The following SEC22C variants were observed in gnomAD, a reference collection of about 807,000 sequenced individuals.
SEC22C encodes SEC22 homolog C, vesicle trafficking protein, also known as vesicle-trafficking protein SEC22c.
Under a neutral mutation model 34.7 loss-of-function variants are expected in SEC22C, and 29 were observed. That is an observed-to-expected ratio of 0.84 (90% confidence interval 0.62 to 1.14). The LOEUF is 1.14. Among genes scored for constraint, SEC22C ranks in the 50% most tolerant of loss-of-function variants. The pLI, the probability that SEC22C is intolerant of heterozygous loss-of-function variation, is 0.00. For missense variants in SEC22C, 337 were observed against 369.0 expected (o/e 0.91, Z 0.71); for synonymous variants, 117 against 132.8 (o/e 0.88, Z 0.82).
intron 1 of SEC22C, chr3:42,590,699 G>A: frequency 1.6e-6 from 1 of 639,152 alleles, no homozygotes; most frequent in Non-Finnish European, 2.8e-6. Context: ...CAAGCGCAAA[G>A]GATACGAAAA....
chr3:42,561,876 A>T (rs975518197), intron 3 of SEC22C, among the ~76,000 whole-genome samples: 1 of 152,174 alleles, frequency 6.6e-6, no homozygotes, highest in Non-Finnish European at 1.5e-5. Flanking sequence ...GAGTCGGGGG[A>T]AAGGGGCATG....
chr3:42,581,414 T>C (rs1577358737), intron 1 of SEC22C: 1 of 152,286 alleles, frequency 6.6e-6, no homozygotes. Flanking sequence ...CCTAGTGCTC[T>C]GAAAAGTTGG....
At position 42,551,400 on chromosome 3, in the gene SEC22C, G is replaced by A; in HGVS notation, c.*1848C>T. On this transcript the variant is annotated 3_prime_UTR_variant, in exon 7 of 7. Coordinates refer to ENST00000264454, the MANE Select transcript of SEC22C (RefSeq NM_032970.4). Reference sequence around the variant, plus strand: ...TCTGTCATGCAGGCTGGGGTGCAGTGGTGTGATTATAGCTCATGGAAGCCT... The same window carrying A: ...TCTGTCATGCAGGCTGGGGTGCAGTAGTGTGATTATAGCTCATGGAAGCCT... The A allele has an allele frequency of 1.1e-6, 1 of 934,350 alleles. No homozygotes were observed. The highest frequency in any genetic ancestry group is 1.3e-6 in the Non-Finnish European group (1 of 783,430). 57.9% of individuals were successfully genotyped at this position (934,350 alleles called of 1,614,324 possible).
Position 42,554,680 on chromosome 3 carries a change from G to A in SEC22C, c.712-1232C>T, listed in dbSNP as rs183620767. Among the ~76,000 whole-genome samples, 323 of 152,200 alleles carry A rather than the reference G, an allele frequency of 2.1e-3. 3 individuals carry two copies. The highest frequency in any genetic ancestry group is 7.0e-3 in the African/African-American group (291 of 41,526). On this transcript the variant is annotated intron_variant, in intron 6 of 6. Transcript: ENST00000264454. ...AATAAACCATTCTAGGATGTATGTG[G>A]AAGAGAAGGAAAGCGTCCTAAGAAC...
At chr3:42,598,141 C>T (rs2125744328) in intron 1 of SEC22C, among the ~76,000 whole-genome samples, 1 of 152,244 alleles carries the variant, frequency 6.6e-6, no homozygotes, top group South Asian at 2.1e-4. Flanking sequence ...CATAACAGTA[C>T]TATTTACAAC....
At chr3:42,557,540 T>G in intron 5 of SEC22C, 38 bp downstream of exon 5, 1 of 993,816 alleles carries the variant, frequency 1.0e-6, no homozygotes, top group Non-Finnish European at 1.5e-6. Context: ...TCATATGTCC[T>G]TCAATTTAAA....
At chr3:42,563,731 T>C (rs745775396) in intron 2 of SEC22C, 45 bp from the exon 3 acceptor site, 2 of 1,611,456 alleles carry the variant, frequency 1.2e-6, no homozygotes, top group Non-Finnish European at 1.7e-6. Flanking sequence ...AACAGCCCCA[T>C]GTATTCCCAT....
At chr3:42,564,030 A>C in intron 2 of SEC22C, 2 of 966,594 alleles carry the variant, frequency 2.1e-6, no homozygotes, top group South Asian at 1.7e-5. Flanking sequence ...AGATTTCCTA[A>C]TGTTAAATGA....
In SEC22C at chr3:42,548,457, G is replaced by A; in HGVS notation, c.*4791C>T. ...CAACAGCTCTGCCATCAATACACAT[G>A]GGCAGATGTTTCCGAATCCAGCCAT... On this transcript the variant is annotated 3_prime_UTR_variant, in exon 7 of 7. Coordinates refer to ENST00000264454, the MANE Select transcript of SEC22C (RefSeq NM_032970.4). 2 of 769,750 alleles carry A rather than the reference G, an allele frequency of 2.6e-6. No homozygotes were observed. Among genetic ancestry groups the A allele is most frequent in the Non-Finnish European group, 4.3e-6 (2 of 460,272 alleles). 47.7% of individuals were successfully genotyped at this position (769,750 alleles called of 1,614,324 possible).
intron 5 of SEC22C, among the ~76,000 whole-genome samples, chr3:42,557,077 A>T (rs1702574917): frequency 6.6e-6 from 1 of 152,248 alleles, no homozygotes; most frequent in Non-Finnish European, 1.5e-5. Flanking sequence ...AACTGTTTTT[A>T]AAAAGCACTG....
Position 42,555,982 on chromosome 3 carries a change from T to C in SEC22C, c.659A>G (p.Glu220Gly). 6.2e-7 allele frequency: 1 copy of C among 1,613,412 alleles called. No individual in the cohort carries two copies. Among genetic ancestry groups the C allele is most frequent in the African/African-American group, 1.3e-5 (1 of 75,038 alleles). ...AEHSLQVAHE[E>G]IGNILAFLVP... ...AAGAAAAGCCAGAATGTTTCCAATT[T>C]CCTCATGGGCAACCTAAAACAAATA... Residue 220 changes from glutamate (E) to glycine (G), a missense_variant, in exon 6 of 7, where the codon GAA becomes GGA. Coordinates refer to ENST00000264454, the MANE Select transcript of SEC22C (RefSeq NM_032970.4).
chr3:42,577,388 A>G (rs1704033440), intron 1 of SEC22C, among the ~76,000 whole-genome samples: 1 of 152,232 alleles, frequency 6.6e-6, no homozygotes, highest in South Asian at 2.1e-4. Context: ...TCAAATCTAG[A>G]ATGTATAAAG....
chr3:42,567,013 G>C (rs769643765), intron 2 of SEC22C, among the ~76,000 whole-genome samples: 1 of 152,110 alleles, frequency 6.6e-6, no homozygotes, highest in African/African-American at 2.4e-5. Context: ...TCCTGGGCTT[G>C]AGCAATCCTC....
At chr3:42,587,715 G>A (rs664813) in intron 1 of SEC22C, among the ~76,000 whole-genome samples, 39,990 of 147,192 alleles carry the variant, frequency 0.27, 5,960 homozygotes, top group East Asian at 0.48. Flanking sequence ...CAGCCTGGGC[G>A]ACAGAGCGAG....
chr3:42,551,439 T>C lies in SEC22C; in HGVS notation c.*1809A>G, dbSNP rs1702252671. On this transcript the variant is annotated 3_prime_UTR_variant, in exon 7 of 7. Coordinates refer to ENST00000264454, the MANE Select transcript of SEC22C (RefSeq NM_032970.4). ...TCATGGAAGCCTCAAACTCCTGGAC[T>C]CAAGGGATCCTCCTGCCTCAGACTC... 2.8e-6 allele frequency: 2 copies of C among 707,204 alleles called. No individual in the cohort carries two copies. Among genetic ancestry groups the C allele is most frequent in the Non-Finnish European group, 3.5e-6 (2 of 575,984 alleles). The allele number at this position is 707,204 out of a possible 1,614,324, so 43.8% of individuals were successfully genotyped here.
chr3:42,553,532 A>G, intron 6 of SEC22C, 84 bp from the exon 7 acceptor site: 1 of 1,520,362 alleles, frequency 6.6e-7, no homozygotes, highest in Non-Finnish European at 8.8e-7. Flanking sequence ...CACAGCTTCC[A>G]TGAAGAGTGT....
intron 1 of SEC22C, among the ~76,000 whole-genome samples, chr3:42,576,839 GAAT>G (rs1434783931): frequency 5.3e-5 from 8 of 151,694 alleles, no homozygotes; most frequent in African/African-American, 1.5e-4. Flanking sequence ...TCTGAAAAAA[GAAT>G]AAAATAGGAA....
chr3:42,589,862 G>A (rs1486645295), intron 1 of SEC22C, among the ~76,000 whole-genome samples: 1 of 152,202 alleles, frequency 6.6e-6, no homozygotes, highest in Non-Finnish European at 1.5e-5. Flanking sequence ...AGTTGCAGTG[G>A]TCACCAGGAG....
intron 4 of SEC22C, among the ~76,000 whole-genome samples, chr3:42,560,732 G>C (rs1452198018): frequency 1.3e-5 from 2 of 151,790 alleles, no homozygotes; most frequent in Non-Finnish European, 2.9e-5. Flanking sequence ...TCGACTTCCC[G>C]GGCTCAGGTG....
Sources: allele counts gnomAD v4.1 joint callset (sites outside exome capture counted in the v4.1 genomes callset), GRCh38; gene constraint gnomAD v4.1.1; transcripts MANE v1.5; gene names NCBI Gene and HGNC (gene_info 2026-07-23, HGNC 2026-07-21).